The following ESR1 variants were observed in gnomAD, a reference collection of about 807,000 sequenced individuals.
ESR1 encodes estrogen receptor 1, also known as estrogen receptor.
In ESR1, 12 loss-of-function variants were observed where a neutral mutation model predicts 52.7. The observed-to-expected ratio is 0.23, with a 90% CI of 0.15 to 0.37. The LOEUF (loss-of-function observed/expected upper bound fraction) is 0.37. Ranked by LOEUF, ESR1 falls within the 10% of genes least tolerant of loss-of-function variation. The pLI is 1.00. For synonymous variants in ESR1, 305 were observed against 316.8 expected (o/e 0.96, Z 0.39); for missense variants, 584 against 779.7 (o/e 0.75, Z 2.99).
chr6:152,086,097 A>T (rs989899246), intron 6 of ESR1, among the ~76,000 whole-genome samples: 2 of 152,340 alleles, frequency 1.3e-5, no homozygotes, highest in African/African-American at 4.8e-5. Context: ...CCCCAGTGGG[A>T]CTAGAAGTTC....
chr6:151,926,546 G>T (rs2032776686), intron 3 of ESR1, among the ~76,000 whole-genome samples: 1 of 151,692 alleles, frequency 6.6e-6, no homozygotes, highest in Non-Finnish European at 1.5e-5. Flanking sequence ...TTGTTTTATA[G>T]ATTTTTACAT....
intron 2 of ESR1, among the ~76,000 whole-genome samples, chr6:151,722,878 G>A (rs1781560820): frequency 6.6e-6 from 1 of 151,976 alleles, no homozygotes; most frequent in African/African-American, 2.4e-5. Flanking sequence ...TCAGGGTCTG[G>A]GCTTATAAAA....
At chr6:151,847,809 C>T (rs1192328265) in intron 2 of ESR1, among the ~76,000 whole-genome samples, 1 of 146,656 alleles carries the variant, frequency 6.8e-6, no homozygotes, top group Non-Finnish European at 1.5e-5. Flanking sequence ...ACATGAAGTC[C>T]TTGCCCACGC....
At chr6:151,721,835 A>G (rs1464663248) in intron 2 of ESR1, among the ~76,000 whole-genome samples, 1 of 152,246 alleles carries the variant, frequency 6.6e-6, no homozygotes, top group Non-Finnish European at 1.5e-5. Context: ...TTCAAAAGCA[A>G]TTCATTCATC....
At chr6:151,720,661 G>T (rs1035864063) in intron 2 of ESR1, among the ~76,000 whole-genome samples, 3 of 152,070 alleles carry the variant, frequency 2.0e-5, no homozygotes, top group African/African-American at 7.2e-5. Flanking sequence ...TGCTTTTATA[G>T]TATTCTTTGG....
At chr6:152,125,851 C>G (rs1009344121) in exon 7 of ESR1, 1 of 152,286 alleles carries the variant, frequency 6.6e-6, no homozygotes, top group African/African-American at 2.4e-5. Flanking sequence ...TGCCCATTGA[C>G]CTGTTCACTC....
At position 151,792,535 on chromosome 6, in the gene ESR1, G is replaced by C. The variant is rs1776269384; in HGVS notation, c.-70-15308G>C. On this transcript the variant is annotated intron_variant, in intron 2 of 2. Coordinates refer to the ESR1 transcript ENST00000404742. ...GTTCACTACAACATTGAACTCCTAG[G>C]CTTAAGCAATCCTCACACCTCAGCC... 1.3e-5 allele frequency among the ~76,000 whole-genome samples: 2 copies of C among 151,820 alleles called. 1 individual carries two copies. The highest frequency in any genetic ancestry group is 4.2e-4 in the South Asian group (2 of 4,810).
intron 1 of ESR1, among the ~76,000 whole-genome samples, chr6:151,822,675 C>T (rs903196291): frequency 1.1e-4 from 16 of 152,172 alleles, no homozygotes; most frequent in Non-Finnish European, 2.2e-4. Flanking sequence ...GAAAGCTGCA[C>T]GCCTCATGAC....
chr6:151,675,857 A>G (rs951661665), intron 1 of ESR1, among the ~76,000 whole-genome samples: 2 of 152,174 alleles, frequency 1.3e-5, no homozygotes, highest in Admixed American at 6.5e-5. Flanking sequence ...GCCGCCATAG[A>G]TTTAAGGACC....
At chr6:152,111,124 C>T (rs1293815609) in intron 6 of ESR1, among the ~76,000 whole-genome samples, 3 of 152,156 alleles carry the variant, frequency 2.0e-5, no homozygotes, top group Non-Finnish European at 2.9e-5. Context: ...GCTCACCCTC[C>T]CCCCGTTGCC....
At chr6:151,911,851 A>G (rs1414134023) in intron 3 of ESR1, among the ~76,000 whole-genome samples, 2 of 152,340 alleles carry the variant, frequency 1.3e-5, no homozygotes, top group South Asian at 2.1e-4. Flanking sequence ...ATTGAGCACC[A>G]TGGACATGGC....
At chr6:151,848,692 C>G (rs1785698624) in intron 2 of ESR1, among the ~76,000 whole-genome samples, 1 of 152,052 alleles carries the variant, frequency 6.6e-6, no homozygotes, top group Admixed American at 6.6e-5. Context: ...TTTATCTTTT[C>G]AGAGATACAA....
intron 5 of ESR1, among the ~76,000 whole-genome samples, chr6:152,058,355 T>C (rs2047273682): frequency 6.6e-6 from 1 of 152,178 alleles, no homozygotes; most frequent in Non-Finnish European, 1.5e-5. Context: ...TGTGCTTCTA[T>C]AGAGCTTCCA....
At chr6:151,891,197 A>T (rs561764107) in intron 3 of ESR1, among the ~76,000 whole-genome samples, 1 of 152,308 alleles carries the variant, frequency 6.6e-6, no homozygotes, top group African/African-American at 2.4e-5. Flanking sequence ...TTTGATTCCT[A>T]TCAGAAGAAA....
chr6:151,831,928 A>C (rs2128215881), intron 1 of ESR1, among the ~76,000 whole-genome samples: 1 of 152,296 alleles, frequency 6.6e-6, no homozygotes, highest in Non-Finnish European at 1.5e-5. Context: ...AATAGCAGCC[A>C]TAACGTTCTC....
chr6:152,125,742 A>G (rs185741271), exon 7 of ESR1: 3 of 164,114 alleles, frequency 1.8e-5, no homozygotes, highest in African/African-American at 4.8e-5. Flanking sequence ...ATTTACATAT[A>G]TAATTGATAG....
chr6:151,806,530 G>GTATGTATATA (rs1430574846), upstream of ESR1, among the ~76,000 whole-genome samples: 1 of 96,468 alleles, frequency 1.0e-5, no homozygotes, highest in Non-Finnish European at 2.2e-5. Flanking sequence ...TCCTTAATAT[G>GTATGTATATA]TATATATATA....
At chr6:152,034,080 G>A (rs1158960630) in intron 5 of ESR1, among the ~76,000 whole-genome samples, 2 of 149,298 alleles carry the variant, frequency 1.3e-5, no homozygotes, top group Admixed American at 1.3e-4. Context: ...TCATAGGTGG[G>A]AGTTGAACAA....
chr6:152,077,398 T>C (rs916048906), intron 6 of ESR1, among the ~76,000 whole-genome samples: 1 of 152,184 alleles, frequency 6.6e-6, no homozygotes, highest in African/African-American at 2.4e-5. Flanking sequence ...GGGCCTCTGC[T>C]AGGGCAATGA....
Sources: gnomAD v4.1 joint callset for allele counts (sites outside exome capture counted in the v4.1 genomes callset) on GRCh38, gnomAD v4.1.1 for gene constraint, MANE v1.5 for transcripts, NCBI Gene and HGNC (gene_info 2026-07-23, HGNC 2026-07-21) for gene names.